Variants in TSNAXIP1 observed in about 807,000 individuals in gnomAD.
TSNAXIP1 encodes the protein translin-associated factor X-interacting protein 1.
In TSNAXIP1, 89 loss-of-function variants were observed where a neutral mutation model predicts 84.8. The ratio of observed to expected loss-of-function variants is 1.05; its 90% CI spans 0.88 to 1.25. The LOEUF (loss-of-function observed/expected upper bound fraction) is 1.25. Among genes scored for constraint, TSNAXIP1 ranks in the 50% most tolerant of loss-of-function variants. The pLI, the probability that TSNAXIP1 is intolerant of heterozygous loss-of-function variation, is 0.00. For synonymous variants in TSNAXIP1, 347 were observed against 335.2 expected (o/e 1.04, Z -0.39); for missense variants, 874 against 887.6 (o/e 0.98, Z 0.20).
chr16:67,822,006 C>T (rs755990768), intron 4 of TSNAXIP1, among the ~76,000 whole-genome samples: 1 of 148,598 alleles, frequency 6.7e-6, no homozygotes, highest in South Asian at 2.1e-4. Flanking sequence ...AGGCCAGGCA[C>T]GGTGGCTCAC....
At chr16:67,815,887 C>T (rs1380593867) in intron 2 of TSNAXIP1, among the ~76,000 whole-genome samples, 1 of 151,632 alleles carries the variant, frequency 6.6e-6, no homozygotes, top group Non-Finnish European at 1.5e-5. Flanking sequence ...GCAACCTCCG[C>T]CTCCTGGGTT....
rs764996445 is a variant in TSNAXIP1, at chr16:67,825,719, G to A, written c.867G>A (p.Arg289=). Residue 289 remains arginine, a synonymous_variant, in exon 8 of 16, where the codon CGG becomes CGA. Transcript: ENST00000561639. ...VKLTLALKMT[R]QDLTRTQMEL... Reference sequence around the variant, plus strand: ...TAACCCTGGCTCTTAAGATGACCCGGCAAGACCTGACCCGCACGCAGATGG... The same window carrying A: ...TAACCCTGGCTCTTAAGATGACCCGACAAGACCTGACCCGCACGCAGATGG... The A allele has an allele frequency of 1.2e-6, 2 of 1,614,040 alleles. No individual in the cohort carries two copies. The highest frequency in any genetic ancestry group is 2.7e-5 in the African/African-American group (2 of 74,908).
rs1190285857 is a variant in TSNAXIP1, at chr16:67,811,436, C to CTTTT, written c.48-2846_48-2843dup. Reference sequence around the variant, plus strand: ...AACAGAGTTTGGAGAATTGATTAGTCTTTTTTTTTTTTTTTTTTTTTTTGA... The same window carrying CTTTT: ...AACAGAGTTTGGAGAATTGATTAGTCTTTTTTTTTTTTTTTTTTTTTTTTTTTGA... On this transcript the variant is annotated intron_variant, in intron 1 of 15. Transcript: ENST00000561639. 1.9e-3 allele frequency among the ~76,000 whole-genome samples: 197 copies of CTTTT among 101,970 alleles called. 19 individuals are homozygous for CTTTT. Among genetic ancestry groups the CTTTT allele is most frequent in the African/African-American group, 7.5e-3 (171 of 22,706 alleles). The allele number at this position is 101,970 out of a possible 152,430, so 66.9% of individuals were successfully genotyped here. A position where few individuals can be genotyped will look rare whatever the true frequency, so the allele number is the denominator to read the frequency against.
Position 67,813,449 on chromosome 16 carries a change from C to T in TSNAXIP1, c.48-853C>T, listed in dbSNP as rs1305824270. Among the ~76,000 whole-genome samples, 3 of 151,094 alleles carry T rather than the reference C, an allele frequency of 2.0e-5. No individual in the cohort carries two copies. The East Asian group carries it at 5.9e-4, about 30-fold the overall frequency. ...GTAAGATAGGCAAAGCAAGAGTTGTCCCTGGCCAGGCACAGTGGCTCACGC... is the reference window on the plus strand; with the variant it reads ...GTAAGATAGGCAAAGCAAGAGTTGTTCCTGGCCAGGCACAGTGGCTCACGC... On this transcript the variant is annotated intron_variant, in intron 1 of 15. Transcript: ENST00000561639.
intron 2 of TSNAXIP1, among the ~76,000 whole-genome samples, chr16:67,819,517 G>A (rs1277254868): frequency 6.6e-6 from 1 of 151,874 alleles, no homozygotes; most frequent in South Asian, 2.1e-4. Flanking sequence ...GCTAAAAGTC[G>A]CACATCTTGG....
chr16:67,811,102 G>A (rs1000277816), intron 1 of TSNAXIP1, among the ~76,000 whole-genome samples: 3 of 152,134 alleles, frequency 2.0e-5, no homozygotes, highest in South Asian at 4.1e-4. Context: ...GGGATTACAG[G>A]CGTGAGCCAC....
At chr16:67,825,613 C>A in intron 7 of TSNAXIP1, 54 bp from the exon 8 acceptor site, 2 of 1,565,702 alleles carry the variant, frequency 1.3e-6, no homozygotes, top group Non-Finnish European at 1.7e-6. Context: ...GGGCTTCAGG[C>A]AACCCCTGAG....
chr16:67,824,918 T>G, intron 6 of TSNAXIP1, 139 bp downstream of exon 6: 4 of 1,125,178 alleles, frequency 3.6e-6, no homozygotes, highest in Non-Finnish European at 5.1e-6. Context: ...CCTTGCTAAC[T>G]CCACCCTCTG....
In TSNAXIP1 at chr16:67,825,997, G is replaced by A; in HGVS notation, c.1065G>A (p.Lys355=). The A allele has an allele frequency of 1.2e-6, 2 of 1,614,084 alleles. No homozygotes were observed. Among genetic ancestry groups the A allele is most frequent in the Non-Finnish European group, 8.5e-7 (1 of 1,180,032 alleles). ...TGCAGCTGCACATGAGCACGCTGAA[G>A]GAACGGGACCAATTCTTCTCTGAGC... ...ILMQLHMSTL[K]ERDQFFSELQ... Residue 355 remains lysine, a synonymous_variant, in exon 9 of 16, where the codon AAG becomes AAA. Transcript: ENST00000561639.
At chr16:67,821,251 GAGGGCGGGGGA>G in intron 4 of TSNAXIP1, 26 bp downstream of exon 4, 2 of 1,429,080 alleles carry the variant, frequency 1.4e-6, no homozygotes, top group Non-Finnish European at 1.9e-6. Flanking sequence ...GAAACTTGGG[GAGGGCGGGGGA>G]AGGGTGGGAA....
chr16:67,827,499 T>C lies in TSNAXIP1; in HGVS notation c.1818T>C (p.Phe606=). The change falls in exon 15 of 16, where the codon TTT becomes TTC. Residue 606 remains phenylalanine (F), a synonymous_variant. Coordinates refer to ENST00000561639, the MANE Select transcript of TSNAXIP1 (RefSeq NM_001288990.3). The part of the protein sequence containing the change: ...MEDEEGQSEP[F]VQKLWEQYMD... Reference sequence around the variant, plus strand: ...ATGAGGAGGGCCAGAGTGAGCCCTTTGTGCAAAAACTCTGGGAACAATACA... The same window carrying C: ...ATGAGGAGGGCCAGAGTGAGCCCTTCGTGCAAAAACTCTGGGAACAATACA... The C allele has an allele frequency of 1.2e-6, 2 of 1,614,194 alleles. No individual in the cohort carries two copies. Among genetic ancestry groups the C allele is most frequent in the African/African-American group, 1.3e-5 (1 of 75,056 alleles).
chr16:67,820,608 G>A (rs2056962843), intron 2 of TSNAXIP1, among the ~76,000 whole-genome samples: 1 of 152,112 alleles, frequency 6.6e-6, no homozygotes, highest in South Asian at 2.1e-4. Context: ...AGATGGGTGT[G>A]GTGGTGGGTG....
In TSNAXIP1 at chr16:67,828,028, T is replaced by A; in HGVS notation, c.*35T>A. On this transcript the variant is annotated 3_prime_UTR_variant, in exon 16 of 16. Transcript: ENST00000561639. ...GGCAGCCTGCGTACTCCAGTCCTGC[T>A]AACCCCTAGCTTTTAATATAAAAGT... The A allele has an allele frequency of 6.2e-7, 1 of 1,606,072 alleles. No homozygotes were observed.
chr16:67,813,197 G>A (rs2056253398), intron 1 of TSNAXIP1, among the ~76,000 whole-genome samples: 1 of 152,016 alleles, frequency 6.6e-6, no homozygotes, highest in African/African-American at 2.4e-5. Context: ...GACCAGCCTG[G>A]CCAACATGGT....
intron 4 of TSNAXIP1, 63 bp downstream of exon 4, chr16:67,821,288 G>A (rs755319916): frequency 6.3e-6 from 10 of 1,576,580 alleles, no homozygotes; most frequent in East Asian, 4.6e-5. Flanking sequence ...TTCACCTACC[G>A]GCCGGGCACA....
At chr16:67,824,856 G>C (rs965826480) in intron 6 of TSNAXIP1, 77 bp downstream of exon 6, 7 of 1,473,110 alleles carry the variant, frequency 4.8e-6, no homozygotes, top group Non-Finnish European at 6.5e-6. Flanking sequence ...CCCCTACCCT[G>C]CTCTGCCTTT....
chr16:67,807,018 G>A lies in TSNAXIP1; in HGVS notation c.-132G>A. The A allele has an allele frequency of 2.1e-6, 3 of 1,412,510 alleles. No homozygotes were observed. Among genetic ancestry groups the A allele is most frequent in the Admixed American group, 5.3e-5 (2 of 37,858 alleles). 87.5% of individuals were successfully genotyped at this position (1,412,510 alleles called of 1,614,324 possible). ...CTCCCAGCCCGCGGGCGCTAGGCTC[G>A]GGGGCGTGGCGCATCCCTGACTCCG... is the stretch of plus-strand genomic sequence containing the variant. On this transcript the variant is annotated 5_prime_UTR_variant, in exon 1 of 16. Coordinates refer to ENST00000561639, the MANE Select transcript of TSNAXIP1 (RefSeq NM_001288990.3).
chr16:67,819,815 A>ATTTTTTTTTTTTTTTTTTTT (rs1162375778), intron 2 of TSNAXIP1, among the ~76,000 whole-genome samples: 3 of 102,660 alleles, frequency 2.9e-5, no homozygotes, highest in African/African-American at 4.2e-5. Context: ...ACCTGGCTAA[A>ATTTTTTTTTTTTTTTTTTTT]TTTTTTTTTT....
At chr16:67,816,565 C>G (rs544205846) in intron 2 of TSNAXIP1, among the ~76,000 whole-genome samples, 3 of 152,146 alleles carry the variant, frequency 2.0e-5, no homozygotes, top group Non-Finnish European at 4.4e-5. Context: ...GGATTATTCG[C>G]AGAGACCAAG....
Sources: allele counts gnomAD v4.1 joint callset (sites outside exome capture counted in the v4.1 genomes callset), GRCh38; gene constraint gnomAD v4.1.1; transcripts MANE v1.5; gene names NCBI Gene and HGNC (gene_info 2026-07-23, HGNC 2026-07-21).